The following ZSCAN9 variants were observed in gnomAD, a reference collection of about 807,000 sequenced individuals.
ZSCAN9 encodes the protein zinc finger and SCAN domain containing 9, also known as zinc finger and SCAN domain-containing protein 9.
ZSCAN9 carries 19 observed loss-of-function variants against 23.0 expected under a neutral mutation model. That is an observed-to-expected ratio of 0.83 (90% CI 0.58 to 1.21). The LOEUF (loss-of-function observed/expected upper bound fraction) is 1.21. Ranked by LOEUF, ZSCAN9 falls within the 50% of genes most tolerant of loss-of-function variation. The pLI, the probability that ZSCAN9 is intolerant of heterozygous loss-of-function variation, is 0.00. For missense variants in ZSCAN9, 467 were observed against 471.5 expected, an observed-to-expected ratio of 0.99 and a Z score of 0.09; for synonymous variants, 155 against 164.8, an observed-to-expected ratio of 0.94 and a Z score of 0.46.
intron 3 of ZSCAN9, chr6:28,228,836 C>A (rs1150706): frequency 0.014 from 2,160 of 154,524 alleles, 42 homozygotes; most frequent in African/African-American, 0.044. Flanking sequence ...CCATTTCCTT[C>A]TCTGTAATCT....
chr6:28,230,017 C>G (rs1760248327), intron 3 of ZSCAN9, among the ~76,000 whole-genome samples: 1 of 152,128 alleles, frequency 6.6e-6, no homozygotes, highest in Admixed American at 6.5e-5. Flanking sequence ...GCCACCATGC[C>G]CGGCTAATGT....
Position 28,233,180 on chromosome 6 carries a change from G to C in ZSCAN9, c.*2G>C. 6.2e-7 allele frequency: 1 copy of C among 1,608,104 alleles called. No homozygotes were observed. The highest frequency in any genetic ancestry group is 8.5e-7 in the Non-Finnish European group (1 of 1,175,646). ...CACACAGTGGCTGAGCTGGTCTAGG[G>C]CTTGGCTATGAGCAAGTTTTCCAGA... On this transcript the variant is annotated 3_prime_UTR_variant, in exon 4 of 4. Coordinates refer to ENST00000252207, the MANE Select transcript of ZSCAN9 (RefSeq NM_006299.5).
Position 28,227,632 on chromosome 6 carries a change from G to A in ZSCAN9, c.421-58G>A, listed in dbSNP as rs750438402. ...CTTCCTGTTTCCTTCTTTCTTGGAA[G>A]TGTTTATTTCAGACAGTTAATTTCT... On this transcript the variant is annotated intron_variant, in intron 2 of 3. Coordinates refer to ENST00000252207, the MANE Select transcript of ZSCAN9 (RefSeq NM_006299.5). The A allele has an allele frequency of 1.1e-5, 17 of 1,579,314 alleles. No individual in the cohort carries two copies. The East Asian group carries it at 2.5e-4, about 23-fold the overall frequency.
At chr6:28,231,230 T>C (rs1468950344) in intron 3 of ZSCAN9, among the ~76,000 whole-genome samples, 1 of 152,194 alleles carries the variant, frequency 6.6e-6, no homozygotes, top group Non-Finnish European at 1.5e-5. Context: ...ACTTTTGCAC[T>C]TTGGGGCCAT....
At chr6:28,229,802 T>G (rs1760237465) in intron 3 of ZSCAN9, among the ~76,000 whole-genome samples, 1 of 152,180 alleles carries the variant, frequency 6.6e-6, no homozygotes, top group Admixed American at 6.5e-5. Flanking sequence ...CTGCATATTT[T>G]GCAGACGTTT....
rs183374059 is a variant in ZSCAN9, at chr6:28,227,518, T to C, written c.420+14T>C. 2.7e-4 allele frequency: 430 copies of C among 1,573,618 alleles called. 4 individuals carry two copies. The African/African-American group carries it at 5.4e-3, about 20-fold the overall frequency. ...CCACAACATGAGGTAGGAAGGGAGA[T>C]TTGCTAGAGAAAAATGTGTATTTTG... On this transcript the variant is annotated intron_variant, in intron 2 of 3. Coordinates refer to ENST00000252207, the MANE Select transcript of ZSCAN9 (RefSeq NM_006299.5).
rs778955098 is a variant in ZSCAN9, at chr6:28,233,227, G to A, written c.*49G>A. 1.9e-6 allele frequency: 3 copies of A among 1,571,296 alleles called. No individual in the cohort carries two copies. Among genetic ancestry groups the A allele is most frequent in the South Asian group, 1.2e-5 (1 of 84,420 alleles). On this transcript the variant is annotated 3_prime_UTR_variant, in exon 4 of 4. Coordinates refer to ENST00000252207, the MANE Select transcript of ZSCAN9 (RefSeq NM_006299.5). ...CAGATCACCACCCAAGTTGTGTGGG[G>A]CAGGTTGAGACTAGAAAATGCCTCT...
chr6:28,228,211 C>T, intron 3 of ZSCAN9: 1 of 593,696 alleles, frequency 1.7e-6, no homozygotes, highest in South Asian at 2.3e-5. Context: ...TCAGATCCCT[C>T]ATCTACAAAA....
intron 3 of ZSCAN9, among the ~76,000 whole-genome samples, chr6:28,231,465 T>G (rs1760298746): frequency 6.6e-6 from 1 of 151,922 alleles, no homozygotes; most frequent in South Asian, 2.1e-4. Flanking sequence ...GAATTGTTTG[T>G]GCTGGGCGTG....
chr6:28,232,512 A>G, intron 3 of ZSCAN9, 50 bp from the exon 4 acceptor site: 1 of 1,558,958 alleles, frequency 6.4e-7, no homozygotes, highest in Non-Finnish European at 8.7e-7. Context: ...TCACCTTCCC[A>G]TAGGCTCAGG....
intron 3 of ZSCAN9, chr6:28,230,397 T>C (rs1760264550): frequency 6.5e-7 from 1 of 1,536,112 alleles, no homozygotes; most frequent in Non-Finnish European, 8.7e-7. Context: ...ATCTGTTCTC[T>C]ACAGACACAT....
intron 3 of ZSCAN9, chr6:28,230,261 G>A: frequency 7.6e-7 from 1 of 1,315,240 alleles, no homozygotes; most frequent in Non-Finnish European, 1.0e-6. Context: ...CATGAAAGTT[G>A]TATAAATGGT....
chr6:28,228,135 G>A, intron 3 of ZSCAN9: 1 of 663,128 alleles, frequency 1.5e-6, no homozygotes, highest in Non-Finnish European at 2.7e-6. Flanking sequence ...TTGACAGACA[G>A]GTTCAGATCC....
At position 28,232,971 on chromosome 6, in the gene ZSCAN9, C is replaced by G; in HGVS notation, c.978C>G (p.Ile326Met). ...GKVFSQSAGL[I>M]QHQRIHKGEK... ...TCTTCAGTCAGAGTGCGGGTCTTAT[C>G]CAGCATCAGAGAATCCACAAAGGAG... The change falls in exon 4 of 4, where the codon ATC becomes ATG. Residue 326 changes from isoleucine to methionine, a missense_variant. Physicochemically the swap from Ile to Met is conservative, Grantham distance 10 (BLOSUM62 1). Coordinates refer to ENST00000252207, the MANE Select transcript of ZSCAN9 (RefSeq NM_006299.5). The G allele has an allele frequency of 2.5e-6, 4 of 1,614,174 alleles. No homozygotes were observed. Among genetic ancestry groups the G allele is most frequent in the Non-Finnish European group, 3.4e-6 (4 of 1,180,046 alleles).
intron 3 of ZSCAN9, chr6:28,228,926 C>G (rs964396625): frequency 6.5e-6 from 1 of 153,388 alleles, no homozygotes; most frequent in Non-Finnish European, 1.5e-5. Flanking sequence ...CCATTCTAGC[C>G]CTCCCTGCAG....
chr6:28,227,178 C>G lies in ZSCAN9; in HGVS notation c.94C>G (p.His32Asp). The G allele has an allele frequency of 6.2e-7, 1 of 1,614,172 alleles. No homozygotes were observed. Among genetic ancestry groups the G allele is most frequent in the Non-Finnish European group, 8.5e-7 (1 of 1,180,034 alleles). ...GACAATGAAAGTGGAAGCAAAAAGT[C>G]ACCTTCAATGGCAGGAATCCAGACT... ...LLTMKVEAKSHLQWQESRLKR... is the reference protein window; with the variant it reads ...LLTMKVEAKSDLQWQESRLKR... The change falls in exon 2 of 4, where the codon CAC becomes GAC. Residue 32 changes from histidine to aspartate, a missense_variant. Coordinates refer to ENST00000252207, the MANE Select transcript of ZSCAN9 (RefSeq NM_006299.5).
At position 28,227,170 on chromosome 6, in the gene ZSCAN9, C is replaced by A. The variant is rs1760137922; in HGVS notation, c.86C>A (p.Ala29Glu). The change falls in exon 2 of 4, where the codon GCA becomes GAA. Residue 29 changes from alanine (A) to glutamate (E), a missense_variant. Physicochemically the swap from Ala to Glu is moderately radical, Grantham distance 107 (BLOSUM62 -1). Coordinates refer to ENST00000252207, the MANE Select transcript of ZSCAN9 (RefSeq NM_006299.5). ...GAACTTCTGACAATGAAAGTGGAAG[C>A]AAAAAGTCACCTTCAATGGCAGGAA... Reference protein sequence around the residue: ...WEELLTMKVEAKSHLQWQESR... With the variant: ...WEELLTMKVEEKSHLQWQESR... 1 of 1,614,142 alleles carries A rather than the reference C, an allele frequency of 6.2e-7. No homozygotes were observed. The highest frequency in any genetic ancestry group is 8.5e-7 in the Non-Finnish European group (1 of 1,180,016).
At position 28,232,586 on chromosome 6, in the gene ZSCAN9, G is replaced by A; in HGVS notation, c.593G>A (p.Arg198Lys). 1 of 1,613,678 alleles carries A rather than the reference G, an allele frequency of 6.2e-7. No individual in the cohort carries two copies. Among genetic ancestry groups the A allele is most frequent in the Non-Finnish European group, 8.5e-7 (1 of 1,179,712 alleles). The part of the protein sequence containing the change: ...ETDEVTKTED[R>K]ELVLRKDCPK... ...GATGAAGTAACCAAGACTGAGGACA[G>A]AGAGTTGGTGCTAAGGAAAGACTGT... Residue 198 changes from arginine (R) to lysine (K), a missense_variant, in exon 4 of 4, where the codon AGA (arginine) becomes AAA (lysine). Transcript: ENST00000252207.
Position 28,227,719 on chromosome 6 carries a change from C to G in ZSCAN9, c.450C>G (p.Val150=). The G allele has an allele frequency of 6.2e-7, 1 of 1,605,576 alleles. No homozygotes were observed. Among genetic ancestry groups the G allele is most frequent in the Non-Finnish European group, 8.5e-7 (1 of 1,178,080 alleles). The change falls in exon 3 of 4, where the codon GTC becomes GTG. Residue 150 remains valine (V), a synonymous_variant. Coordinates refer to ENST00000252207, the MANE Select transcript of ZSCAN9 (RefSeq NM_006299.5). ...EMVAHRHRQE[V]LCKEMVPLAE... ...TGGCCCACAGACACAGACAAGAAGTCCTCTGTAAAGAGATGGTGCCTCTAG... is the reference window on the plus strand; with the variant it reads ...TGGCCCACAGACACAGACAAGAAGTGCTCTGTAAAGAGATGGTGCCTCTAG...
Sources: allele counts gnomAD v4.1 joint callset (sites outside exome capture counted in the v4.1 genomes callset), GRCh38; gene constraint gnomAD v4.1.1; transcripts MANE v1.5; gene names NCBI Gene and HGNC (gene_info 2026-07-23, HGNC 2026-07-21).